MAPK14: variants seen among roughly 807,000 people sequenced by gnomAD.
The protein encoded by MAPK14 is mitogen-activated protein kinase 14.
In MAPK14, 16 loss-of-function variants were observed where a neutral mutation model predicts 49.6. That is an observed-to-expected ratio of 0.32 (90% CI 0.22 to 0.49). The LOEUF (loss-of-function observed/expected upper bound fraction) is 0.49, where lower values mean the gene tolerates loss of function less well. Among genes scored for constraint, MAPK14 ranks in the 20% least tolerant of loss-of-function variants. MAPK14 has a pLI of 0.99. For synonymous variants in MAPK14, 142 were observed against 158.0 expected, an observed-to-expected ratio of 0.90 and a Z score of 0.76; for missense variants, 200 against 441.2, an observed-to-expected ratio of 0.45 and a Z score of 4.90.
downstream of MAPK14, among the ~76,000 whole-genome samples, chr6:36,113,565 A>G (rs905366935): frequency 1.3e-5 from 2 of 152,172 alleles, no homozygotes; most frequent in African/African-American, 2.4e-5. Flanking sequence ...GGCAAACTGT[A>G]GTATCCTAGC....
intron 1 of MAPK14, among the ~76,000 whole-genome samples, chr6:36,032,623 T>C (rs1005683544): frequency 2.6e-5 from 4 of 152,216 alleles, no homozygotes; most frequent in African/African-American, 9.7e-5. Context: ...TTAGATCTTA[T>C]TCAACTGTTT....
intron 9 of MAPK14, chr6:36,097,076 G>C (rs755387988): frequency 6.6e-6 from 1 of 152,208 alleles, no homozygotes. Context: ...GCATAAGCAG[G>C]TGAGTTGGAA....
chr6:36,105,475 C>T (rs1172545739), intron 10 of MAPK14, among the ~76,000 whole-genome samples: 2 of 152,090 alleles, frequency 1.3e-5, no homozygotes, highest in Non-Finnish European at 2.9e-5. Flanking sequence ...GTCCTTTTTA[C>T]CCTAAGGGTA....
At chr6:36,059,450 C>A (rs979464643) in intron 3 of MAPK14, 103 bp downstream of exon 3, 35 of 825,472 alleles carry the variant, frequency 4.2e-5, no homozygotes, top group African/African-American at 6.9e-5. Context: ...TCAAAAAATT[C>A]TTTATTCCTA....
chr6:36,074,544 A>G (rs547997437), intron 6 of MAPK14, among the ~76,000 whole-genome samples: 1 of 152,312 alleles, frequency 6.6e-6, no homozygotes, highest in African/African-American at 2.4e-5. Context: ...ATGTCTGTAC[A>G]TTAGAATGCA....
the MAPK14 span, among the ~76,000 whole-genome samples, chr6:36,121,303 G>A: frequency 2.6e-5 from 4 of 152,340 alleles, no homozygotes; most frequent in East Asian, 5.8e-4. Flanking sequence ...GAGAGCTACC[G>A]GGGGTGGGGC....
intron 3 of MAPK14, among the ~76,000 whole-genome samples, chr6:36,060,234 C>T (rs1763760062): frequency 6.6e-6 from 1 of 152,182 alleles, no homozygotes. Flanking sequence ...TACACTGGCT[C>T]CTGACCCCAT....
the MAPK14 span, among the ~76,000 whole-genome samples, chr6:36,118,226 G>A: frequency 2.0e-5 from 3 of 152,208 alleles, no homozygotes; most frequent in African/African-American, 4.8e-5. Context: ...AATGAAAATA[G>A]CAAGGCAAAA....
chr6:36,075,720 A>G, intron 6 of MAPK14, 128 bp from the exon 7 acceptor site: 3 of 1,201,842 alleles, frequency 2.5e-6, no homozygotes, highest in African/African-American at 3.0e-5. Flanking sequence ...AAATCTCTTT[A>G]TGAAAGTGCT....
the MAPK14 span, among the ~76,000 whole-genome samples, chr6:36,117,926 T>A: frequency 6.6e-6 from 1 of 152,228 alleles, no homozygotes; most frequent in Non-Finnish European, 1.5e-5. Context: ...TTGCTTCCTG[T>A]TTTTACAATC....
Position 36,073,020 on chromosome 6 carries a change from A to G in MAPK14, c.417+36A>G, listed in dbSNP as rs201406796. 4.4e-5 allele frequency: 58 copies of G among 1,330,614 alleles called. No individual in the cohort carries two copies. The African/African-American group carries it at 6.5e-4, about 15-fold the overall frequency. 82.4% of individuals were successfully genotyped at this position (1,330,614 alleles called of 1,614,324 possible). A position where few individuals can be genotyped will look rare whatever the true frequency, so the allele number is the denominator to read the frequency against. ...TACAAGTAATAATTTTTTAAAATGAATTCTCCCTTTCTCCCCTCCTTTTAG... is the reference window on the plus strand; with the variant it reads ...TACAAGTAATAATTTTTTAAAATGAGTTCTCCCTTTCTCCCCTCCTTTTAG... On this transcript the variant is annotated intron_variant, in intron 4 of 11. Transcript: ENST00000229794.
chr6:36,034,145 G>A (rs1189588867), intron 1 of MAPK14, among the ~76,000 whole-genome samples: 2 of 152,222 alleles, frequency 1.3e-5, no homozygotes. Context: ...GTGTAGGAAA[G>A]CAGTTCCACC....
At chr6:36,077,308 C>G (rs1247562769) in intron 8 of MAPK14, among the ~76,000 whole-genome samples, 1 of 152,100 alleles carries the variant, frequency 6.6e-6, no homozygotes, top group African/African-American at 2.4e-5. Flanking sequence ...GAACTCTCAT[C>G]AGTTCTACTT....
chr6:36,114,617 TAA>T (rs376202964), downstream of MAPK14, among the ~76,000 whole-genome samples: 25 of 132,196 alleles, frequency 1.9e-4, no homozygotes, highest in Non-Finnish European at 1.5e-4. Flanking sequence ...GAACTCTGTT[TAA>T]AAAAAAAAAA....
chr6:36,056,461 G>A (rs1369814894), intron 2 of MAPK14, among the ~76,000 whole-genome samples: 2 of 152,160 alleles, frequency 1.3e-5, no homozygotes, highest in African/African-American at 4.8e-5. Flanking sequence ...CCTGCTGAAT[G>A]CCAGGCTCCA....
At chr6:36,034,897 C>CTTTTTTTTTT (rs200316205) in intron 1 of MAPK14, among the ~76,000 whole-genome samples, 7 of 121,038 alleles carry the variant, frequency 5.8e-5, no homozygotes, top group African/African-American at 1.9e-4. Flanking sequence ...TTCTTTCTTT[C>CTTTTTTTTTT]TTTTTTTTTT....
At chr6:36,073,911 A>G in intron 5 of MAPK14, 138 bp from the exon 6 acceptor site, 3 of 859,884 alleles carry the variant, frequency 3.5e-6, no homozygotes, top group Non-Finnish European at 3.8e-6. Flanking sequence ...CTTGGACTGG[A>G]TATTGACTGT....
At chr6:36,076,168 AT>A (rs1226857644) in intron 7 of MAPK14, among the ~76,000 whole-genome samples, 1 of 152,058 alleles carries the variant, frequency 6.6e-6, no homozygotes, top group African/African-American at 2.4e-5. Context: ...TGATTTAGCA[AT>A]TGGGTTTTTA....
At chr6:36,089,676 TA>T (rs1414623590) in intron 8 of MAPK14, among the ~76,000 whole-genome samples, 1 of 152,202 alleles carries the variant, frequency 6.6e-6, no homozygotes. Context: ...TATTATTTTT[TA>T]AAGAATGAAG....
Sources: gnomAD v4.1 joint callset for allele counts (sites outside exome capture counted in the v4.1 genomes callset) on GRCh38, gnomAD v4.1.1 for gene constraint, MANE v1.5 for transcripts, NCBI Gene and HGNC (gene_info 2026-07-23, HGNC 2026-07-21) for gene names.